The following DPP6 variants were observed in gnomAD, a reference collection of about 807,000 sequenced individuals.
The protein encoded by DPP6 is A-type potassium channel modulatory protein DPP6.
In DPP6, 69 loss-of-function variants were observed where a neutral mutation model predicts 122.6. The ratio of observed to expected loss-of-function variants is 0.56; its 90% CI spans 0.46 to 0.69. The LOEUF (loss-of-function observed/expected upper bound fraction) is 0.69. Ranked by LOEUF, DPP6 falls within the 30% of genes least tolerant of loss-of-function variation. The probability of loss-of-function intolerance (pLI) is 0.00; values close to 1 mark genes in which losing one functional copy is unlikely to be tolerated. For missense variants in DPP6, 928 were observed against 1,116.9 expected, an observed-to-expected ratio of 0.83 and a Z score of 2.41; for synonymous variants, 418 against 433.1, an observed-to-expected ratio of 0.97 and a Z score of 0.43.
At chr7:154,381,360 T>G (rs931696311) in intron 1 of DPP6, among the ~76,000 whole-genome samples, 1 of 152,224 alleles carries the variant, frequency 6.6e-6, no homozygotes, top group African/African-American at 2.4e-5. Context: ...ATTCTCAGAA[T>G]TTTGGCAATA....
chr7:154,757,110 G>C (rs1191723611), intron 8 of DPP6, among the ~76,000 whole-genome samples: 1 of 131,446 alleles, frequency 7.6e-6, no homozygotes, highest in African/African-American at 3.0e-5. Flanking sequence ...CCATCCCTCA[G>C]GTCTCCTGAG....
intron 1 of DPP6, among the ~76,000 whole-genome samples, chr7:153,981,543 T>C (rs556946062): frequency 6.6e-6 from 1 of 152,330 alleles, no homozygotes; most frequent in Non-Finnish European, 1.5e-5. Flanking sequence ...TGCATTTACA[T>C]TTAAGGTTAA....
At chr7:154,650,784 G>T (rs1483788425) in intron 6 of DPP6, among the ~76,000 whole-genome samples, 1 of 152,168 alleles carries the variant, frequency 6.6e-6, no homozygotes, top group Non-Finnish European at 1.5e-5. Context: ...GTCCAGACTA[G>T]AAATTAATTC....
intron 8 of DPP6, among the ~76,000 whole-genome samples, chr7:154,746,382 C>T (rs1035514470): frequency 1.3e-5 from 2 of 152,122 alleles, no homozygotes; most frequent in African/African-American, 2.4e-5. Flanking sequence ...GATATGATGC[C>T]GGCCTTCCTT....
At chr7:154,011,279 T>G (rs1482477348) in intron 1 of DPP6, among the ~76,000 whole-genome samples, 9 of 152,214 alleles carry the variant, frequency 5.9e-5, no homozygotes, top group Non-Finnish European at 7.3e-5. Flanking sequence ...TTTCTAGCAA[T>G]GAAAAATGAT....
chr7:154,083,952 T>A (rs1448384973), intron 1 of DPP6, among the ~76,000 whole-genome samples: 1 of 144,088 alleles, frequency 6.9e-6, no homozygotes, highest in African/African-American at 2.8e-5. Flanking sequence ...AGAATTGAGA[T>A]GGAGCAGTGT....
chr7:153,843,268 G>A, the DPP6 span, among the ~76,000 whole-genome samples: 16 of 105,440 alleles, frequency 1.5e-4, no homozygotes, highest in Admixed American at 4.1e-4. Flanking sequence ...AGACACACAC[G>A]CATGCGCGCG....
rs1450969536 is a variant in DPP6 at position 154,636,413 on chromosome 7, C to T, written c.628-1408C>T. 2.0e-5 allele frequency among the ~76,000 whole-genome samples: 3 copies of T among 152,326 alleles called. 1 individual carries two copies. The highest frequency in any genetic ancestry group is 6.8e-3 in the Middle Eastern group (2 of 294). On this transcript the variant is annotated intron_variant, in intron 5 of 25. Coordinates refer to ENST00000377770, the MANE Select transcript of DPP6 (RefSeq NM_130797.4). ...TCCTTCTCCTGGGCAAGCAGCACCA[C>T]TCATCCCGGCAGAAATAGAAAAAGG...
Position 154,446,726 on chromosome 7 carries a change from G to T in DPP6, c.358+398G>T, listed in dbSNP as rs1586297308. ...TGAACTAAGGAGAAGGTGCTAAATAGGTACTACTGAATATTACATAAAGTA... is the reference window on the plus strand; with the variant it reads ...TGAACTAAGGAGAAGGTGCTAAATATGTACTACTGAATATTACATAAAGTA... On this transcript the variant is annotated intron_variant, in intron 2 of 25. Transcript: ENST00000377770. 2.6e-5 allele frequency among the ~76,000 whole-genome samples: 4 copies of T among 152,244 alleles called. No individual in the cohort carries two copies. In the South Asian group the frequency reaches 6.2e-4, roughly 24 times the overall value.
intron 8 of DPP6, among the ~76,000 whole-genome samples, chr7:154,761,026 G>A (rs565709245): frequency 1.3e-5 from 2 of 152,052 alleles, no homozygotes; most frequent in Admixed American, 6.6e-5. Context: ...GTAGAGACAG[G>A]GTTTCACCAT....
At position 154,060,427 on chromosome 7, in the gene DPP6, G is replaced by A. The variant is rs1414034235; in HGVS notation, c.243+7364G>A. 5.8e-4 allele frequency among the ~76,000 whole-genome samples: 71 copies of A among 123,436 alleles called. 3 individuals carry two copies. The highest frequency in any genetic ancestry group is 1.9e-3 in the South Asian group (7 of 3,674). The allele number at this position is 123,436 out of a possible 152,430, so 81.0% of individuals were successfully genotyped here. On this transcript the variant is annotated intron_variant, in intron 1 of 25. Transcript: ENST00000377770. ...ATCGCAGAGGGGGGAGGCACCCCCCGCGAGGCGGGGACTGCGAGCCAGACC... is the reference window on the plus strand; with the variant it reads ...ATCGCAGAGGGGGGAGGCACCCCCCACGAGGCGGGGACTGCGAGCCAGACC...
chr7:154,285,799 A>G (rs951073307), intron 1 of DPP6, among the ~76,000 whole-genome samples: 2 of 152,214 alleles, frequency 1.3e-5, no homozygotes, highest in Admixed American at 6.5e-5. Flanking sequence ...ATTTATTACA[A>G]TCAGGCAGAG....
chr7:153,885,116 G>GCGGTAAA (rs10693546), upstream of DPP6, among the ~76,000 whole-genome samples: 178 of 149,830 alleles, frequency 1.2e-3, no homozygotes, highest in African/African-American at 4.2e-3. Flanking sequence ...ATGCTTGGTG[G>GCGGTAAA]GAAAGAGAGG....
At chr7:153,925,734 G>A (rs1375847182) in intron 1 of DPP6, among the ~76,000 whole-genome samples, 8 of 152,186 alleles carry the variant, frequency 5.3e-5, no homozygotes, top group Non-Finnish European at 1.2e-4. Flanking sequence ...TTGGATGAAC[G>A]GAGATCATCC....
the DPP6 span, among the ~76,000 whole-genome samples, chr7:153,786,610 G>C: frequency 6.6e-6 from 1 of 151,592 alleles, no homozygotes; most frequent in Admixed American, 6.6e-5. Context: ...GTGGTGGCGC[G>C]CACCTGTAGT....
chr7:154,167,918 C>T (rs1188911643), intron 1 of DPP6, among the ~76,000 whole-genome samples: 1 of 152,158 alleles, frequency 6.6e-6, no homozygotes, highest in East Asian at 1.9e-4. Context: ...GTGTCTTATC[C>T]AGGACAGACT....
At chr7:154,217,319 C>T (rs1378165990) in intron 1 of DPP6, among the ~76,000 whole-genome samples, 1 of 152,082 alleles carries the variant, frequency 6.6e-6, no homozygotes, top group Non-Finnish European at 1.5e-5. Flanking sequence ...AAGAGTGGTC[C>T]TTGGAAATTT....
chr7:154,332,467 C>T (rs768039232), intron 1 of DPP6, among the ~76,000 whole-genome samples: 2 of 152,306 alleles, frequency 1.3e-5, no homozygotes, highest in South Asian at 2.1e-4. Flanking sequence ...CCTGAGATCC[C>T]GCGTCTCTCA....
At chr7:154,394,492 C>CATAT (rs35837414) in intron 1 of DPP6, among the ~76,000 whole-genome samples, 2,658 of 150,762 alleles carry the variant, frequency 0.018, 80 homozygotes, top group African/African-American at 0.059. Context: ...TTCCTTATTA[C>CATAT]ATATATATAT....
Sources: allele counts gnomAD v4.1 joint callset (sites outside exome capture counted in the v4.1 genomes callset), GRCh38; gene constraint gnomAD v4.1.1; transcripts MANE v1.5; gene names NCBI Gene and HGNC (gene_info 2026-07-23, HGNC 2026-07-21).